Variants in ZNF391 observed in about 807,000 individuals in gnomAD.
ZNF391 encodes the protein zinc finger protein 391.
For missense variants in ZNF391, 375 were observed against 425.5 expected (o/e 0.88, Z 1.04); for synonymous variants, 126 against 142.1 (o/e 0.89, Z 0.80).
At chr6:27,389,588 G>T (rs1343762922) in intron 1 of ZNF391, 4 of 382,944 alleles carry the variant, frequency 1.0e-5, no homozygotes, top group African/African-American at 2.2e-5. Flanking sequence ...AAGGCGGGCG[G>T]ATCACCTGAG....
intron 1 of ZNF391, among the ~76,000 whole-genome samples, chr6:27,398,888 T>C (rs976987640): frequency 1.3e-5 from 2 of 152,114 alleles, no homozygotes; most frequent in Non-Finnish European, 2.9e-5. Context: ...AAGAGTCATC[T>C]GGGAAAGCTA....
At chr6:27,393,939 C>T (rs1311759394) in intron 1 of ZNF391, among the ~76,000 whole-genome samples, 2 of 152,122 alleles carry the variant, frequency 1.3e-5, no homozygotes, top group African/African-American at 4.8e-5. Context: ...TTTTAAGCAG[C>T]AAAGGAAGAT....
intron 1 of ZNF391, among the ~76,000 whole-genome samples, chr6:27,393,649 G>A (rs956038382): frequency 6.6e-6 from 1 of 152,194 alleles, no homozygotes; most frequent in Non-Finnish European, 1.5e-5. Context: ...GGCAGAGGGT[G>A]GAAGAGTTTG....
At chr6:27,393,657 T>C (rs1251369758) in intron 1 of ZNF391, among the ~76,000 whole-genome samples, 2 of 152,080 alleles carry the variant, frequency 1.3e-5, no homozygotes, top group Non-Finnish European at 2.9e-5. Flanking sequence ...GTGGAAGAGT[T>C]TGGAGGGCTC....
intron 1 of ZNF391, among the ~76,000 whole-genome samples, chr6:27,389,701 G>C: frequency 6.6e-6 from 1 of 152,174 alleles, no homozygotes. Flanking sequence ...CTACTCGGGA[G>C]GCTGAGGCAG....
In ZNF391 at chr6:27,381,758, C is replaced by T. The variant is rs145267124; in HGVS notation, n.523+6621C>T. On this transcript the variant is annotated intron_variant and non_coding_transcript_variant, in intron 1 of 2. Coordinates refer to the ZNF391 transcript ENST00000477999. ...GTCTCAAAAAAAGTTTTAGGCAGGGCGTGGTGGCTCACACCTGTAGTCCCA... is the reference window on the plus strand; with the variant it reads ...GTCTCAAAAAAAGTTTTAGGCAGGGTGTGGTGGCTCACACCTGTAGTCCCA... Among the ~76,000 whole-genome samples the T allele has an allele frequency of 2.6e-3, 391 of 152,250 alleles. 3 individuals are homozygous for T. Among genetic ancestry groups the T allele is most frequent in the Middle Eastern group, 0.017 (5 of 294 alleles).
chr6:27,395,746 T>C (rs973570228), intron 1 of ZNF391, among the ~76,000 whole-genome samples: 1 of 152,202 alleles, frequency 6.6e-6, no homozygotes, highest in Admixed American at 6.5e-5. Flanking sequence ...CTTTTAGATA[T>C]CCTATATTTC....
At chr6:27,380,106 G>A (rs1320017516) in intron 1 of ZNF391, among the ~76,000 whole-genome samples, 1 of 152,214 alleles carries the variant, frequency 6.6e-6, no homozygotes. Context: ...GACCAGTCTG[G>A]GCAACATAGT....
chr6:27,382,588 CAAT>C (rs1260056515), intron 1 of ZNF391, among the ~76,000 whole-genome samples: 1 of 152,042 alleles, frequency 6.6e-6, no homozygotes, highest in East Asian at 1.9e-4. Context: ...AAATTTGAAA[CAAT>C]GATGATTAAG....
Position 27,403,390 on chromosome 6 carries a change from T to C in ZNF391, c.*1943T>C, listed in dbSNP as rs942351867. Reference sequence around the variant, plus strand: ...ATTCCAGAAACCCTATCCACCCTTTTTTAAAGGCCATGCTCATATCCTGGC... The same window carrying C: ...ATTCCAGAAACCCTATCCACCCTTTCTTAAAGGCCATGCTCATATCCTGGC... On this transcript the variant is annotated 3_prime_UTR_variant, in exon 3 of 3. Transcript: ENST00000244576. The C allele has an allele frequency of 2.6e-5, 4 of 152,326 alleles. No homozygotes were observed. Among genetic ancestry groups the C allele is most frequent in the African/African-American group, 2.4e-5 (1 of 41,578 alleles). 9.4% of individuals were successfully genotyped at this position (152,326 alleles called of 1,614,324 possible).
intron 1 of ZNF391, among the ~76,000 whole-genome samples, chr6:27,381,517 C>T (rs532384786): frequency 3.6e-4 from 55 of 152,344 alleles, no homozygotes; most frequent in African/African-American, 1.3e-3. Context: ...AGTGCAGCGG[C>T]GGGCTGAAGG....
At chr6:27,391,374 T>C (rs1262518999) in intron 1 of ZNF391, among the ~76,000 whole-genome samples, 1 of 151,864 alleles carries the variant, frequency 6.6e-6, no homozygotes, top group South Asian at 2.1e-4. Context: ...CCCAGCTAAT[T>C]TTTTTGTATT....
intron 1 of ZNF391, among the ~76,000 whole-genome samples, chr6:27,382,791 C>G (rs186893931): frequency 5.9e-5 from 9 of 152,278 alleles, no homozygotes; most frequent in African/African-American, 1.7e-4. Flanking sequence ...AAAAGAATCT[C>G]TGATCTTGCT....
At chr6:27,389,563 G>A (rs529849114) in intron 1 of ZNF391, 2 of 403,528 alleles carry the variant, frequency 5.0e-6, no homozygotes, top group African/African-American at 2.1e-5. Context: ...TGTAATCCCA[G>A]CACTTTGGGA....
chr6:27,375,960 T>C (rs531654593), intron 1 of ZNF391, among the ~76,000 whole-genome samples: 41 of 152,268 alleles, frequency 2.7e-4, no homozygotes, highest in African/African-American at 8.9e-4. Flanking sequence ...GAGGATTCAA[T>C]TGGTTACTTC....
chr6:27,391,201 C>CTTTTTTTTTTTTTTTT (rs386406591), intron 1 of ZNF391: 2 of 97,278 alleles, frequency 2.1e-5, no homozygotes, highest in Non-Finnish European at 1.9e-5. Flanking sequence ...ATTCATTGTA[C>CTTTTTTTTTTTTTTTT]TTTTTTTTTT....
At position 27,400,395 on chromosome 6, in the gene ZNF391, G is replaced by A. The variant is rs1220005604; in HGVS notation, c.25G>A (p.Ala9Thr). The change falls in exon 3 of 3, where the codon GCT becomes ACT. Residue 9 changes from alanine (A) to threonine (T), a missense_variant. Coordinates refer to ENST00000244576, the MANE Select transcript of ZNF391 (RefSeq NM_001076781.3). MESLRGNT[A>T]QGPTNEEDYK... ...AATGGAAAGCCTCAGAGGGAATACTGCTCAGGGTCCTACAAATGAAGAAGA... is the reference window on the plus strand; with the variant it reads ...AATGGAAAGCCTCAGAGGGAATACTACTCAGGGTCCTACAAATGAAGAAGA... 2 of 1,612,060 alleles carry A rather than the reference G, an allele frequency of 1.2e-6. No homozygotes were observed. Among genetic ancestry groups the A allele is most frequent in the East Asian group, 4.5e-5 (2 of 44,880 alleles).
chr6:27,390,057 C>A (rs1561810614), intron 1 of ZNF391, among the ~76,000 whole-genome samples: 1 of 152,180 alleles, frequency 6.6e-6, no homozygotes. Flanking sequence ...ACTGAGGCTG[C>A]CCAGGCAGTT....
upstream of ZNF391, chr6:27,388,622 CCT>C (rs1211403576): frequency 1.6e-5 from 5 of 308,086 alleles, no homozygotes; most frequent in African/African-American, 1.1e-4. Flanking sequence ...CTAGCGCCAA[CCT>C]CTCAGCCTCT....
Sources: gnomAD v4.1 joint callset for allele counts (sites outside exome capture counted in the v4.1 genomes callset) on GRCh38, gnomAD v4.1.1 for gene constraint, MANE v1.5 for transcripts, NCBI Gene and HGNC (gene_info 2026-07-23, HGNC 2026-07-21) for gene names.